ZPLD1: variants seen among roughly 807,000 people sequenced by gnomAD.
ZPLD1 encodes the protein zona pellucida like domain containing 1, also known as zona pellucida-like domain-containing protein 1.
Under a neutral mutation model 47.2 loss-of-function variants are expected in ZPLD1, and 34 were observed. The observed-to-expected ratio is 0.72, with a 90% confidence interval of 0.55 to 0.96. ZPLD1 has a LOEUF of 0.96. Among genes scored for constraint, ZPLD1 ranks in the 40% least tolerant of loss-of-function variants. ZPLD1 has a pLI of 0.00. For missense variants in ZPLD1, 512 were observed against 505.8 expected (o/e 1.01, Z -0.12); for synonymous variants, 176 against 186.2 (o/e 0.95, Z 0.45).
At chr3:102,433,317 T>C (rs1172892076), upstream of ZPLD1, among the ~76,000 whole-genome samples, 1 of 152,192 alleles carries the variant, frequency 6.6e-6, no homozygotes, top group Non-Finnish European at 1.5e-5. Context: ...CGGGCGTGAA[T>C]CCTGATTCTA....
intron 7 of ZPLD1, among the ~76,000 whole-genome samples, chr3:102,411,416 A>G (rs1706746524): frequency 2.0e-5 from 3 of 151,798 alleles, no homozygotes; most frequent in Admixed American, 2.0e-4. Flanking sequence ...TTTGAGCTTT[A>G]TAATTTTTCT....
intron 9 of ZPLD1, among the ~76,000 whole-genome samples, chr3:102,469,513 A>C (rs963085571): frequency 1.3e-5 from 2 of 152,224 alleles, no homozygotes; most frequent in Non-Finnish European, 2.9e-5. Flanking sequence ...GGATTGTTAG[A>C]GATGAACTCC....
chr3:102,464,268 T>C lies in ZPLD1; in HGVS notation c.761+17T>C, dbSNP rs768412493. Reference sequence around the variant, plus strand: ...TTTCCTTAGGTAAGACTTAGCTGTCTAAGTATTATATTGATACCAATGACC... The same window carrying C: ...TTTCCTTAGGTAAGACTTAGCTGTCCAAGTATTATATTGATACCAATGACC... On this transcript the variant is annotated intron_variant, in intron 8 of 11. Transcript: ENST00000466937. 5.7e-6 allele frequency: 9 copies of C among 1,565,998 alleles called. No individual in the cohort carries two copies. In the East Asian group the frequency reaches 1.1e-4, roughly 20 times the overall value.
chr3:102,395,641 G>T (rs934218884), intron 7 of ZPLD1, among the ~76,000 whole-genome samples: 2 of 152,144 alleles, frequency 1.3e-5, no homozygotes, highest in Non-Finnish European at 2.9e-5. Context: ...AATTTGTGTT[G>T]TTTTAAGCTA....
intron 7 of ZPLD1, among the ~76,000 whole-genome samples, chr3:102,402,554 G>T (rs1477305552): frequency 1.3e-5 from 2 of 152,004 alleles, no homozygotes; most frequent in African/African-American, 4.8e-5. Flanking sequence ...GAGGACATTG[G>T]TAAGTCCAAG....
intron 4 of ZPLD1, among the ~76,000 whole-genome samples, chr3:102,454,787 C>T (rs555781499): frequency 3.3e-5 from 5 of 152,080 alleles, no homozygotes; most frequent in African/African-American, 7.2e-5. Context: ...ACTTAAGAGG[C>T]GGAGGTTGCA....
chr3:102,479,411 A>T lies in ZPLD1; in HGVS notation c.*1793A>T, dbSNP rs369693867. 6 of 152,312 alleles carry T rather than the reference A, an allele frequency of 3.9e-5. No homozygotes were observed. In the East Asian group the frequency reaches 1.2e-3, roughly 29 times the overall value. 9.4% of individuals were successfully genotyped at this position (152,312 alleles called of 1,614,324 possible). A position where few individuals can be genotyped will look rare whatever the true frequency, so the allele number is the denominator to read the frequency against. On this transcript the variant is annotated 3_prime_UTR_variant, in exon 12 of 12. Coordinates refer to ENST00000466937, the MANE Select transcript of ZPLD1 (RefSeq NM_001329788.2). ...ATTGATTCTACGATTAAGTTCTGTGAATAGGACATTATATCATTTAAGCTG... is the reference window on the plus strand; with the variant it reads ...ATTGATTCTACGATTAAGTTCTGTGTATAGGACATTATATCATTTAAGCTG...
At chr3:102,440,769 C>A (rs1271690824) in intron 3 of ZPLD1, among the ~76,000 whole-genome samples, 5 of 149,300 alleles carry the variant, frequency 3.3e-5, no homozygotes, top group Admixed American at 3.3e-4. Flanking sequence ...CAACCTGAGC[C>A]AGGAATTGAA....
At chr3:102,464,278 A>G (rs1707557145) in intron 8 of ZPLD1, 27 bp downstream of exon 8, 1 of 1,449,636 alleles carries the variant, frequency 6.9e-7, no homozygotes, top group Non-Finnish European at 9.7e-7. Context: ...TAAGTATTAT[A>G]TTGATACCAA....
At chr3:102,436,147 G>C (rs555080785) in intron 1 of ZPLD1, among the ~76,000 whole-genome samples, 86 of 152,332 alleles carry the variant, frequency 5.6e-4, no homozygotes, top group African/African-American at 1.9e-3. Context: ...ACAGTGTCAT[G>C]CCTTTTTGGG....
At chr3:102,454,442 C>T (rs1166433384) in intron 4 of ZPLD1, among the ~76,000 whole-genome samples, 3 of 152,114 alleles carry the variant, frequency 2.0e-5, no homozygotes, top group Non-Finnish European at 2.9e-5. Context: ...CTTTCCTTCC[C>T]TTTCTTGTCT....
chr3:102,470,688 T>C (rs756852464), intron 10 of ZPLD1, among the ~76,000 whole-genome samples, 186 bp downstream of exon 10: 1 of 151,818 alleles, frequency 6.6e-6, no homozygotes, highest in Admixed American at 6.6e-5. Context: ...CAAAGGGCAA[T>C]ATTGTCTTTA....
At chr3:102,430,633 C>T (rs1707005147), upstream of ZPLD1, among the ~76,000 whole-genome samples, 1 of 152,134 alleles carries the variant, frequency 6.6e-6, no homozygotes, top group Non-Finnish European at 1.5e-5. Flanking sequence ...AAAGGGTTGA[C>T]AAAGATGTGA....
intron 7 of ZPLD1, among the ~76,000 whole-genome samples, chr3:102,417,888 A>G (rs780559472): frequency 6.6e-6 from 1 of 151,984 alleles, no homozygotes; most frequent in African/African-American, 2.4e-5. Context: ...GGTAGGGGAA[A>G]AAAAGAGAAA....
chr3:102,425,387 G>A (rs1038388351), intron 8 of ZPLD1, among the ~76,000 whole-genome samples: 6 of 152,160 alleles, frequency 3.9e-5, no homozygotes, highest in African/African-American at 9.6e-5. Flanking sequence ...CTTCATGCCC[G>A]TAAATGTTTA....
At chr3:102,425,273 G>A (rs1010932694) in intron 8 of ZPLD1, among the ~76,000 whole-genome samples, 1 of 151,986 alleles carries the variant, frequency 6.6e-6, no homozygotes, top group Non-Finnish European at 1.5e-5. Context: ...GGTAGAGACA[G>A]TTTTGCCATG....
At chr3:102,419,118 A>C (rs1706845465) in intron 8 of ZPLD1, among the ~76,000 whole-genome samples, 1 of 152,054 alleles carries the variant, frequency 6.6e-6, no homozygotes, top group Non-Finnish European at 1.5e-5. Flanking sequence ...GAAAATCAGA[A>C]ACAGTTCTAA....
chr3:102,470,795 T>C (rs1280985908), intron 10 of ZPLD1, among the ~76,000 whole-genome samples: 1 of 151,948 alleles, frequency 6.6e-6, no homozygotes, highest in African/African-American at 2.4e-5. Flanking sequence ...ATTTATTTAT[T>C]TGAGACGGAG....
rs566217889 is a variant in ZPLD1, at chr3:102,435,666, G to A, written c.-123+512G>A. 3.6e-4 allele frequency among the ~76,000 whole-genome samples: 51 copies of A among 142,022 alleles called. No individual in the cohort carries two copies. The South Asian group carries it at 3.7e-3, about 10-fold the overall frequency. 93.2% of individuals were successfully genotyped at this position (142,022 alleles called of 152,430 possible). ...TTTTTTTTTTTTTTTTTTCTGAGAC[G>A]GAGTCTTGCTCTGTAGCCCAGGCTG... On this transcript the variant is annotated intron_variant, in intron 1 of 11. Coordinates refer to ENST00000466937, the MANE Select transcript of ZPLD1 (RefSeq NM_001329788.2).
Sources: gnomAD v4.1 joint callset for allele counts (sites outside exome capture counted in the v4.1 genomes callset) on GRCh38, gnomAD v4.1.1 for gene constraint, MANE v1.5 for transcripts, NCBI Gene and HGNC (gene_info 2026-07-23, HGNC 2026-07-21) for gene names.